The following CSF1 variants were observed in gnomAD, a reference collection of about 807,000 sequenced individuals.
The protein encoded by CSF1 is macrophage colony-stimulating factor 1.
In CSF1, 9 loss-of-function variants were observed where a neutral mutation model predicts 48.9. The observed-to-expected ratio is 0.18, with a 90% CI of 0.11 to 0.32. The LOEUF is 0.32. CSF1 is among the 10% of genes least tolerant of loss of function. CSF1 has a pLI of 1.00. For synonymous variants in CSF1, 305 were observed against 284.1 expected, an observed-to-expected ratio of 1.07 and a Z score of -0.74; for missense variants, 672 against 697.9, an observed-to-expected ratio of 0.96 and a Z score of 0.42.
chr1:109,912,551 C>T (rs139389469), intron 1 of CSF1, among the ~76,000 whole-genome samples: 2 of 152,308 alleles, frequency 1.3e-5, no homozygotes, highest in East Asian at 1.9e-4. Context: ...TGGCCAGCTT[C>T]GAAGTCAGCC....
At position 109,923,917 on chromosome 1, in the gene CSF1, C is replaced by G; in HGVS notation, c.1296C>G (p.Gly432=). Reference sequence around the variant, plus strand: ...AGCTTTCCAGAAGCCACTCCTCGGGCAGCGTGCTGCCCCTTGGGGAGCTGG... The same window carrying G: ...AGCTTTCCAGAAGCCACTCCTCGGGGAGCGTGCTGCCCCTTGGGGAGCTGG... ...QPQLSRSHSS[G]SVLPLGELEG... Residue 432 remains glycine (G), a synonymous_variant, in exon 6 of 9, where the codon GGC becomes GGG. Transcript: ENST00000329608. 1 of 1,614,126 alleles carries G rather than the reference C, an allele frequency of 6.2e-7. No homozygotes were observed. The highest frequency in any genetic ancestry group is 8.5e-7 in the Non-Finnish European group (1 of 1,179,936).
intron 1 of CSF1, among the ~76,000 whole-genome samples, chr1:109,913,670 AAC>A (rs533639191): frequency 3.7e-4 from 56 of 152,332 alleles, no homozygotes; most frequent in African/African-American, 1.3e-3. Context: ...CTCCTTTTGA[AAC>A]ACACACCCAG....
intron 4 of CSF1, among the ~76,000 whole-genome samples, chr1:109,920,493 C>T (rs530733066): frequency 3.6e-4 from 54 of 152,042 alleles, no homozygotes; most frequent in Non-Finnish European, 6.9e-4. Flanking sequence ...TAATTTTTGT[C>T]TTTTTAGTAA....
Position 109,923,354 on chromosome 1 carries a change from G to A in CSF1, c.733G>A (p.Asp245Asn). ...TGGTGAGCAGCCCCTGCACACAGTG[G>A]ATCCAGGCAGTGCCAAGCAGCGGCC... ...LPGEQPLHTV[D>N]PGSAKQRPPR... is the part of the protein sequence containing the mutation. Residue 245 changes from aspartate (D) to asparagine (N), a missense_variant, in exon 6 of 9, where the codon GAT (aspartate) becomes AAT (asparagine). Around this residue, in one of 3 missense-constraint regions of CSF1, gnomAD observed 591 missense variants for 593.6 expected, o/e 1.00. Transcript: ENST00000329608. 1 of 1,612,618 alleles carries A rather than the reference G, an allele frequency of 6.2e-7. No homozygotes were observed. Among genetic ancestry groups the A allele is most frequent in the South Asian group, 1.1e-5 (1 of 90,836 alleles).
At position 109,923,936 on chromosome 1, in the gene CSF1, G is replaced by T; in HGVS notation, c.1315G>T (p.Glu439Ter). Residue 439 changes from glutamate (E) to a stop codon, truncating the protein, a stop_gained, in exon 6 of 9, where the codon GAG (glutamate) becomes TAG (stop). Transcript: ENST00000329608. LOFTEE classifies it high-confidence loss of function. The stretch of plus-strand genomic sequence containing the variant: ...CTCGGGCAGCGTGCTGCCCCTTGGG[G>T]AGCTGGAGGGCAGGAGGAGCACCAG... ...HSSGSVLPLG[E>*]LEGRRSTRDR... The T allele has an allele frequency of 6.2e-7, 1 of 1,614,226 alleles. No homozygotes were observed. Among genetic ancestry groups the T allele is most frequent in the Non-Finnish European group, 8.5e-7 (1 of 1,180,014 alleles).
intron 4 of CSF1, among the ~76,000 whole-genome samples, chr1:109,921,247 C>T (rs1310129476): frequency 6.6e-6 from 1 of 152,220 alleles, no homozygotes; most frequent in African/African-American, 2.4e-5. Context: ...AACCTCTCTC[C>T]ATGTGCGTCT....
At chr1:109,919,852 G>A (rs1328400718) in intron 4 of CSF1, among the ~76,000 whole-genome samples, 1 of 151,904 alleles carries the variant, frequency 6.6e-6, no homozygotes, top group South Asian at 2.1e-4. Context: ...CAAGCTACTC[G>A]GGAGGCTGAG....
rs1019748053 is a variant in CSF1 at position 109,930,231 on chromosome 1, C to T, written c.*1393C>T. 2.6e-5 allele frequency: 4 copies of T among 152,374 alleles called. No homozygotes were observed. Among genetic ancestry groups the T allele is most frequent in the African/African-American group, 9.6e-5 (4 of 41,458 alleles). 9.4% of individuals were successfully genotyped at this position (152,374 alleles called of 1,614,324 possible). On this transcript the variant is annotated 3_prime_UTR_variant, in exon 9 of 9. Coordinates refer to ENST00000329608, the MANE Select transcript of CSF1 (RefSeq NM_000757.6). ...CTTGGTCAGCAGTGATGACCTCCAA[C>T]TCTCACCCACCCCCTCTACCATCAC...
intron 4 of CSF1, among the ~76,000 whole-genome samples, chr1:109,918,478 T>G (rs1257129660): frequency 6.6e-6 from 1 of 152,094 alleles, no homozygotes. Flanking sequence ...GCAGAAGGTG[T>G]GAGTCCAGGC....
chr1:109,911,030 G>A lies in CSF1; in HGVS notation c.7G>A (p.Ala3Thr), dbSNP rs1654656504. 1.7e-6 allele frequency: 2 copies of A among 1,151,428 alleles called. No individual in the cohort carries two copies. The highest frequency in any genetic ancestry group is 2.1e-6 in the Non-Finnish European group (2 of 936,918). The allele number at this position is 1,151,428 out of a possible 1,614,324, so 71.3% of individuals were successfully genotyped here. A position where few individuals can be genotyped will look rare whatever the true frequency, so the allele number is the denominator to read the frequency against. MT[A>T]PGAAGRCPPT... is the part of the protein sequence containing the mutation. Reference sequence around the variant, plus strand: ...CCGGGACCCAGCTGCCCGTATGACCGCGCCGGGCGCCGCCGGGCGCTGCCC... The same window carrying A: ...CCGGGACCCAGCTGCCCGTATGACCACGCCGGGCGCCGCCGGGCGCTGCCC... Residue 3 changes from alanine to threonine, a missense_variant, in exon 1 of 9, where the codon GCG becomes ACG. Ala to Thr is a moderately conservative substitution (Grantham distance 58, BLOSUM62 0). Coordinates refer to ENST00000329608, the MANE Select transcript of CSF1 (RefSeq NM_000757.6).
rs1259575488 is a variant in CSF1 at position 109,928,927 on chromosome 1, C to G, written c.*89C>G. 6.5e-6 allele frequency: 1 copy of G among 153,014 alleles called. No individual in the cohort carries two copies. Among genetic ancestry groups the G allele is most frequent in the Admixed American group, 6.5e-5 (1 of 15,282 alleles). 9.5% of individuals were successfully genotyped at this position (153,014 alleles called of 1,614,324 possible). Reference sequence around the variant, plus strand: ...ACCACCACCCCTCCCTGGCCATCCTCCTGGAATGTGGTCTGCCCTCCACCA... The same window carrying G: ...ACCACCACCCCTCCCTGGCCATCCTGCTGGAATGTGGTCTGCCCTCCACCA... On this transcript the variant is annotated 3_prime_UTR_variant, in exon 9 of 9. Coordinates refer to ENST00000329608, the MANE Select transcript of CSF1 (RefSeq NM_000757.6).
chr1:109,924,433 T>G (rs1039928820), intron 6 of CSF1, among the ~76,000 whole-genome samples: 1 of 152,042 alleles, frequency 6.6e-6, no homozygotes, highest in African/African-American at 2.4e-5. Flanking sequence ...AGAATATTCA[T>G]GGGCTGACAG....
chr1:109,925,511 C>T (rs758100339), intron 8 of CSF1, among the ~76,000 whole-genome samples: 2 of 152,108 alleles, frequency 1.3e-5, no homozygotes, highest in Non-Finnish European at 2.9e-5. Flanking sequence ...CAAATGTGGC[C>T]TTTATAAGGT....
intron 3 of CSF1, 27 bp downstream of exon 3, chr1:109,915,723 A>G: frequency 2.5e-6 from 4 of 1,592,148 alleles, no homozygotes; most frequent in Non-Finnish European, 2.6e-6. Context: ...TACAAAATCC[A>G]TGCACCAGCC....
At chr1:109,921,458 CTTG>C (rs1370122984) in intron 4 of CSF1, among the ~76,000 whole-genome samples, 1 of 152,232 alleles carries the variant, frequency 6.6e-6, no homozygotes, top group African/African-American at 2.4e-5. Flanking sequence ...TCCCTGAACA[CTTG>C]TTTAGTTCCC....
intron 4 of CSF1, among the ~76,000 whole-genome samples, chr1:109,921,602 G>A (rs1179535945): frequency 1.3e-5 from 2 of 152,130 alleles, no homozygotes; most frequent in Admixed American, 6.5e-5. Flanking sequence ...TCTCTTGTTC[G>A]TTGCATGATT....
chr1:109,929,388 CG>C lies in CSF1; in HGVS notation c.*553del, dbSNP rs1432897258. The C allele has an allele frequency of 2.6e-5, 4 of 152,670 alleles. No homozygotes were observed. The highest frequency in any genetic ancestry group is 1.9e-4 in the East Asian group (1 of 5,192). The allele number at this position is 152,670 out of a possible 1,614,324, so 9.5% of individuals were successfully genotyped here. ...CCGTAAAGGTGTGCAGCCTGAGAGACGGGAAGAGGAGGCCTCTGGACCTGCT... is the reference window on the plus strand; with the variant it reads ...CCGTAAAGGTGTGCAGCCTGAGAGACGGAAGAGGAGGCCTCTGGACCTGCT... On this transcript the variant is annotated 3_prime_UTR_variant, in exon 9 of 9. Coordinates refer to ENST00000329608, the MANE Select transcript of CSF1 (RefSeq NM_000757.6).
chr1:109,923,801 C>A lies in CSF1; in HGVS notation c.1180C>A (p.Leu394Ile), dbSNP rs1371991651. The A allele has an allele frequency of 1.9e-6, 3 of 1,610,940 alleles. No individual in the cohort carries two copies. In the South Asian group the frequency reaches 3.3e-5, roughly 18 times the overall value. The change falls in exon 6 of 9, where the codon CTC (leucine) becomes ATC (isoleucine). Residue 394 changes from leucine to isoleucine, a missense_variant. Physicochemically the swap from Leu to Ile is conservative, Grantham distance 5. Around this residue, in one of 3 missense-constraint regions of CSF1, gnomAD observed 591 missense variants for 593.6 expected, o/e 1.00. Transcript: ENST00000329608. Reference sequence around the variant, plus strand: ...GAAGACAGACCATCCATCTGCCCTGCTCAGAGACCCCCCGGAGCCAGGCTC... The same window carrying A: ...GAAGACAGACCATCCATCTGCCCTGATCAGAGACCCCCCGGAGCCAGGCTC... The part of the protein sequence containing the change: ...PQKTDHPSAL[L>I]RDPPEPGSPR...
intron 3 of CSF1, among the ~76,000 whole-genome samples, chr1:109,916,194 C>G (rs569991787): frequency 9.0e-4 from 137 of 152,304 alleles, no homozygotes; most frequent in African/African-American, 3.2e-3. Flanking sequence ...CCAAGTGCTG[C>G]TGGTTCTGCC....
Sources: gnomAD v4.1 joint callset for allele counts (sites outside exome capture counted in the v4.1 genomes callset) on GRCh38, gnomAD v4.1.1 for gene constraint, gnomAD v4.1.1 regional missense constraint, MANE v1.5 for transcripts, NCBI Gene and HGNC (gene_info 2026-07-23, HGNC 2026-07-21) for gene names.